The following PCCA variants were observed in gnomAD, a reference collection of about 807,000 sequenced individuals.
The protein encoded by PCCA is propionyl-CoA carboxylase alpha chain, mitochondrial.
A neutral mutation model predicts 101.3 loss-of-function variants in PCCA; 74 were observed. The ratio of observed to expected loss-of-function variants is 0.73; its 90% CI spans 0.61 to 0.89. The LOEUF is 0.89. Ranked by LOEUF, PCCA falls within the 40% of genes least tolerant of loss-of-function variation. The pLI is 0.00. For missense variants in PCCA, 891 were observed against 907.0 expected (o/e 0.98, Z 0.23); for synonymous variants, 294 against 313.6 (o/e 0.94, Z 0.66).
At chr13:100,284,986 A>T (rs897285644) in intron 12 of PCCA, among the ~76,000 whole-genome samples, 39 of 152,170 alleles carry the variant, frequency 2.6e-4, no homozygotes, top group Admixed American at 1.8e-3. Context: ...GATCTCTTGA[A>T]CTTTCTAGCT....
intron 6 of PCCA, among the ~76,000 whole-genome samples, chr13:100,168,921 G>A (rs1337007875): frequency 6.6e-6 from 1 of 152,118 alleles, no homozygotes; most frequent in Non-Finnish European, 1.5e-5. Context: ...TGTAAACTGA[G>A]GGTTTTTATT....
intron 19 of PCCA, among the ~76,000 whole-genome samples, chr13:100,422,029 A>G (rs1232082695): frequency 8.1e-6 from 1 of 123,494 alleles, no homozygotes; most frequent in Non-Finnish European, 1.7e-5. Flanking sequence ...CTTTCTTTTT[A>G]TTCTCTTCTT....
intron 16 of PCCA, among the ~76,000 whole-genome samples, chr13:100,314,589 G>A (rs552582025): frequency 6.6e-6 from 1 of 152,164 alleles, no homozygotes; most frequent in Non-Finnish European, 1.5e-5. Flanking sequence ...AAAGGAGCTT[G>A]TTATGAATAA....
At chr13:100,451,805 CTCT>C (rs1332559820) in intron 21 of PCCA, among the ~76,000 whole-genome samples, 1 of 78,500 alleles carries the variant, frequency 1.3e-5, no homozygotes, top group East Asian at 4.2e-4. Context: ...CCTCTCTGTC[CTCT>C]TCCTCTCCTC....
chr13:100,251,257 A>C (rs893222307), intron 8 of PCCA, among the ~76,000 whole-genome samples: 1 of 152,258 alleles, frequency 6.6e-6, no homozygotes, highest in Non-Finnish European at 1.5e-5. Flanking sequence ...CAGGAAGCTC[A>C]TATACAAAGT....
At chr13:100,296,878 G>T (rs529238065) in intron 12 of PCCA, among the ~76,000 whole-genome samples, 2 of 152,206 alleles carry the variant, frequency 1.3e-5, no homozygotes, top group Admixed American at 6.5e-5. Flanking sequence ...CCTCATTAAT[G>T]CCTTTTGTGG....
intron 12 of PCCA, among the ~76,000 whole-genome samples, chr13:100,285,566 AC>A (rs942756042): frequency 1.3e-5 from 2 of 152,076 alleles, no homozygotes; most frequent in African/African-American, 4.8e-5. Context: ...TGTCTGGACT[AC>A]TCATGATGTA....
At chr13:100,417,641 C>T (rs2078463554) in intron 19 of PCCA, among the ~76,000 whole-genome samples, 1 of 152,010 alleles carries the variant, frequency 6.6e-6, no homozygotes, top group South Asian at 2.1e-4. Flanking sequence ...ATTTGAGAGC[C>T]ACTCCAGCCT....
chr13:100,235,949 A>C lies in PCCA; in HGVS notation c.637+71A>C, dbSNP rs368194932. ...AGATACGGTTGAGTCAACAGGTAAT[A>C]AGTAATTCCCATAGAGCAAATAATA... On this transcript the variant is annotated intron_variant, in intron 8 of 23. Transcript: ENST00000376285. 422 of 915,412 alleles carry C rather than the reference A, an allele frequency of 4.6e-4. 1 individual carries two copies. The Middle Eastern group carries it at 4.9e-3, about 11-fold the overall frequency. The allele number at this position is 915,412 out of a possible 1,614,324, so 56.7% of individuals were successfully genotyped here.
At chr13:100,494,468 G>A (rs2085127533) in intron 21 of PCCA, among the ~76,000 whole-genome samples, 1 of 151,926 alleles carries the variant, frequency 6.6e-6, no homozygotes, top group Admixed American at 6.5e-5. Flanking sequence ...TGGATCACCT[G>A]AGGTCGGGAG....
chr13:100,146,245 TG>T (rs1395969456), intron 4 of PCCA, among the ~76,000 whole-genome samples: 2 of 151,434 alleles, frequency 1.3e-5, no homozygotes, highest in African/African-American at 4.8e-5. Flanking sequence ...CGGCCAGCTT[TG>T]CTTTTTTATA....
chr13:100,499,091 C>G (rs199791526), intron 21 of PCCA, among the ~76,000 whole-genome samples: 1 of 152,070 alleles, frequency 6.6e-6, no homozygotes, highest in South Asian at 2.1e-4. Flanking sequence ...AGCTTTTCAC[C>G]AAGCCACAAA....
intron 11 of PCCA, among the ~76,000 whole-genome samples, chr13:100,272,639 C>T (rs539160226): frequency 5.9e-5 from 9 of 152,160 alleles, no homozygotes; most frequent in Non-Finnish European, 1.0e-4. Flanking sequence ...ATAGTATGAG[C>T]ATTGAAACGA....
chr13:100,459,290 A>G (rs187957677), intron 21 of PCCA, among the ~76,000 whole-genome samples: 7 of 152,314 alleles, frequency 4.6e-5, no homozygotes, highest in African/African-American at 1.7e-4. Flanking sequence ...GTAGATATGA[A>G]TTTTGGGATG....
intron 4 of PCCA, among the ~76,000 whole-genome samples, chr13:100,112,680 G>A (rs1045655945): frequency 3.4e-5 from 5 of 148,986 alleles, no homozygotes; most frequent in African/African-American, 7.4e-5. Flanking sequence ...GGGTTCAAGC[G>A]ATTCTCCCGC....
chr13:100,184,720 A>G (rs1307588217), intron 6 of PCCA, among the ~76,000 whole-genome samples: 1 of 152,222 alleles, frequency 6.6e-6, no homozygotes, highest in African/African-American at 2.4e-5. Context: ...TTTCATTATG[A>G]ATACTTAAAT....
At chr13:100,516,997 T>C (rs2086878968) in intron 22 of PCCA, among the ~76,000 whole-genome samples, 1 of 144,854 alleles carries the variant, frequency 6.9e-6, no homozygotes, top group African/African-American at 2.5e-5. Context: ...GTCTGTATAC[T>C]GCCAGCCTGA....
intron 4 of PCCA, among the ~76,000 whole-genome samples, chr13:100,143,506 G>A (rs974853664): frequency 1.4e-5 from 2 of 147,534 alleles, no homozygotes; most frequent in Non-Finnish European, 3.0e-5. Context: ...CTGTACTCCA[G>A]CCTGGGTGAC....
intron 19 of PCCA, among the ~76,000 whole-genome samples, chr13:100,397,999 G>T (rs1053138407): frequency 6.6e-6 from 1 of 152,264 alleles, no homozygotes; most frequent in East Asian, 1.9e-4. Context: ...CAGGTTCAGC[G>T]TGATTAGAAG....
Sources: gnomAD v4.1 joint callset for allele counts (sites outside exome capture counted in the v4.1 genomes callset) on GRCh38, gnomAD v4.1.1 for gene constraint, MANE v1.5 for transcripts, NCBI Gene and HGNC (gene_info 2026-07-23, HGNC 2026-07-21) for gene names.